The following PTK2B variants were observed in gnomAD, a reference collection of about 807,000 sequenced individuals.
The protein encoded by PTK2B is protein-tyrosine kinase 2-beta.
Under a neutral mutation model 142.9 loss-of-function variants are expected in PTK2B, and 71 were observed. That is an observed-to-expected ratio of 0.50 (90% CI 0.41 to 0.61). The LOEUF is 0.61. Ranked by LOEUF, PTK2B falls within the 20% of genes least tolerant of loss-of-function variation. The pLI is 0.00. For synonymous variants in PTK2B, 519 were observed against 503.4 expected (o/e 1.03, Z -0.42); for missense variants, 1,105 against 1,320.4 (o/e 0.84, Z 2.53).
chr8:27,342,689 G>A (rs923253817), intron 1 of PTK2B, among the ~76,000 whole-genome samples: 2 of 152,068 alleles, frequency 1.3e-5, no homozygotes, highest in African/African-American at 4.8e-5. Context: ...CATCCCGTCT[G>A]TGCTCCTCTG....
intron 22 of PTK2B, 44 bp from the exon 23 acceptor site, chr8:27,444,162 C>T: frequency 6.4e-7 from 1 of 1,562,724 alleles, no homozygotes; most frequent in Non-Finnish European, 8.8e-7. Flanking sequence ...TGTGTTCACT[C>T]AAGGAGAGGG....
intron 7 of PTK2B, 22 bp downstream of exon 7, chr8:27,430,440 G>A: frequency 1.2e-6 from 2 of 1,613,772 alleles, no homozygotes; most frequent in South Asian, 2.2e-5. Context: ...AATGGGCGAG[G>A]ACCTCTTCGT....
At chr8:27,342,984 G>A (rs959948236) in intron 1 of PTK2B, among the ~76,000 whole-genome samples, 1 of 152,198 alleles carries the variant, frequency 6.6e-6, no homozygotes, top group African/African-American at 2.4e-5. Flanking sequence ...GTGATGGGGA[G>A]GAGGAGGCGT....
chr8:27,318,329 C>G (rs1476866415), intron 3 of PTK2B, among the ~76,000 whole-genome samples: 1 of 152,178 alleles, frequency 6.6e-6, no homozygotes, highest in African/African-American at 2.4e-5. Context: ...GAATTCGACA[C>G]TGGCAAGCAA....
At chr8:27,357,379 A>G (rs77270828) in intron 1 of PTK2B, among the ~76,000 whole-genome samples, 1 of 152,214 alleles carries the variant, frequency 6.6e-6, no homozygotes, top group Non-Finnish European at 1.5e-5. Context: ...TTAATCCCTC[A>G]TGGTCCTCAC....
intron 1 of PTK2B, among the ~76,000 whole-genome samples, chr8:27,366,936 G>A (rs1005935857): frequency 6.6e-6 from 1 of 152,128 alleles, no homozygotes; most frequent in African/African-American, 2.4e-5. Flanking sequence ...AGCAGAGGAG[G>A]AGGCTGAGTG....
chr8:27,427,571 C>T (rs1348795531), intron 5 of PTK2B, among the ~76,000 whole-genome samples: 3 of 152,166 alleles, frequency 2.0e-5, no homozygotes, highest in African/African-American at 7.2e-5. Context: ...GTACAGCAAG[C>T]CAATGTGTTC....
intron 5 of PTK2B, 69 bp downstream of exon 5, chr8:27,422,452 A>C: frequency 3.0e-6 from 4 of 1,328,400 alleles, no homozygotes; most frequent in Non-Finnish European, 3.1e-6. Flanking sequence ...ACCTTTCCCC[A>C]TGTCCAAGAT....
At chr8:27,327,985 A>G (rs924577955) in intron 1 of PTK2B, among the ~76,000 whole-genome samples, 6 of 152,240 alleles carry the variant, frequency 3.9e-5, no homozygotes, top group African/African-American at 1.4e-4. Context: ...TACTTCCACA[A>G]GTGAGCACTT....
At chr8:27,353,124 G>A (rs1205945228) in intron 1 of PTK2B, among the ~76,000 whole-genome samples, 3 of 152,192 alleles carry the variant, frequency 2.0e-5, no homozygotes, top group African/African-American at 7.2e-5. Flanking sequence ...TGGGATTAAA[G>A]GGGATTAATT....
At chr8:27,446,431 GGC>G (rs1380162105) in intron 24 of PTK2B, among the ~76,000 whole-genome samples, 1 of 152,186 alleles carries the variant, frequency 6.6e-6, no homozygotes, top group Non-Finnish European at 1.5e-5. Flanking sequence ...CTCATTAACT[GGC>G]TAGAGCAGGG....
chr8:27,431,499 C>T, intron 9 of PTK2B, 27 bp downstream of exon 9: 1 of 1,613,024 alleles, frequency 6.2e-7, no homozygotes, highest in Non-Finnish European at 8.5e-7. Context: ...CAGCCCCACC[C>T]AGCCCCAGGC....
Position 27,430,144 on chromosome 8 carries a change from C to A in PTK2B, c.603C>A (p.Phe201Leu), listed in dbSNP as rs145177380. The change falls in exon 6 of 31, where the codon TTC becomes TTA. Residue 201 changes from phenylalanine (F) to leucine (L), a missense_variant. Phe to Leu is a conservative substitution (Grantham distance 22, BLOSUM62 0). Coordinates refer to ENST00000346049, the MANE Select transcript of PTK2B (RefSeq NM_173176.3). ...ATGCACTTGACAAGAAGTCCAACTT[C>A]GAGCTCCTAGAGTAAGTTCTGGGAT... The part of the protein sequence containing the change: ...PHNALDKKSN[F>L]ELLEKEVGLD... 33 of 1,613,410 alleles carry A rather than the reference C, an allele frequency of 2.0e-5. No individual in the cohort carries two copies. Among genetic ancestry groups the A allele is most frequent in the Non-Finnish European group, 2.6e-5 (31 of 1,179,476 alleles).
At chr8:27,409,992 G>A (rs923515490) in intron 2 of PTK2B, among the ~76,000 whole-genome samples, 1 of 152,194 alleles carries the variant, frequency 6.6e-6, no homozygotes, top group Non-Finnish European at 1.5e-5. Context: ...AAAGGGCTGG[G>A]ATTACAAGTG....
At chr8:27,416,005 G>A (rs1016523089) in intron 2 of PTK2B, among the ~76,000 whole-genome samples, 8 of 152,140 alleles carry the variant, frequency 5.3e-5, no homozygotes, top group Non-Finnish European at 1.0e-4. Context: ...GCAAAGCCAA[G>A]GTAGGAGGAT....
chr8:27,418,959 C>T (rs1254502874), intron 2 of PTK2B, among the ~76,000 whole-genome samples: 3 of 151,792 alleles, frequency 2.0e-5, no homozygotes, highest in Non-Finnish European at 4.4e-5. Context: ...ACCTGGGAGG[C>T]GGAGGTTGCA....
rs766616837 is a variant in PTK2B, at chr8:27,430,437, G to A, written c.669+19G>A. The stretch of plus-strand genomic sequence containing the variant: ...CTTAAAGGTGAGGAAACCAATGGGC[G>A]AGGACCTCTTCGTGCTGATTCCCGA... On this transcript the variant is annotated intron_variant, in intron 7 of 30. Coordinates refer to ENST00000346049, the MANE Select transcript of PTK2B (RefSeq NM_173176.3). 3.1e-6 allele frequency: 5 copies of A among 1,613,862 alleles called. No individual in the cohort carries two copies. Among genetic ancestry groups the A allele is most frequent in the Admixed American group, 1.7e-5 (1 of 60,030 alleles).
chr8:27,382,009 G>T (rs1807056288), intron 1 of PTK2B, among the ~76,000 whole-genome samples: 2 of 152,156 alleles, frequency 1.3e-5, no homozygotes, highest in Non-Finnish European at 2.9e-5. Context: ...GAATGCAGTG[G>T]CATGATCTCG....
intron 5 of PTK2B, among the ~76,000 whole-genome samples, chr8:27,428,174 A>T (rs777016143): frequency 6.6e-6 from 1 of 152,170 alleles, no homozygotes; most frequent in East Asian, 1.9e-4. Context: ...TCACACTCCT[A>T]TGAGAATCTA....
Sources: allele counts gnomAD v4.1 joint callset (sites outside exome capture counted in the v4.1 genomes callset), GRCh38; gene constraint gnomAD v4.1.1; transcripts MANE v1.5; gene names NCBI Gene and HGNC (gene_info 2026-07-23, HGNC 2026-07-21).